The following SLC16A3 variants were observed in gnomAD, a reference collection of about 807,000 sequenced individuals.
The protein encoded by SLC16A3 is solute carrier family 16 member 3.
In SLC16A3, 22 loss-of-function variants were observed where a neutral mutation model predicts 25.0. That is an observed-to-expected ratio of 0.88 (90% CI 0.63 to 1.26). SLC16A3 has a LOEUF of 1.26. SLC16A3 is among the 50% of genes most tolerant of loss of function. SLC16A3 has a pLI of 0.00. For missense variants in SLC16A3, 731 were observed against 666.6 expected (o/e 1.10, Z -1.06); for synonymous variants, 390 against 309.2 (o/e 1.26, Z -2.74).
chr17:82,227,656 GCGGGAGCACCACCTGCCC>G (rs2050434462), upstream of SLC16A3, among the ~76,000 whole-genome samples: 6 of 25,368 alleles, frequency 2.4e-4, no homozygotes, highest in African/African-American at 4.8e-4. Context: ...CCTGCCCTGG[GCGGGAGCACCACCTGCCC>G]TGGGCGGGAG....
intron 1 of SLC16A3, among the ~76,000 whole-genome samples, chr17:82,222,986 C>T (rs982967796): frequency 4.6e-5 from 7 of 150,992 alleles, no homozygotes; most frequent in South Asian, 2.1e-4. Flanking sequence ...GGGTGGATAC[C>T]GGGGAAGGGG....
upstream of SLC16A3, among the ~76,000 whole-genome samples, chr17:82,223,801 C>T (rs965918888): frequency 2.6e-5 from 4 of 152,038 alleles, no homozygotes; most frequent in East Asian, 1.9e-4. Context: ...TTGGAATGAC[C>T]GCTCAGGATC....
intron 2 of SLC16A3, 53 bp from the exon 3 acceptor site, chr17:82,236,676 C>G (rs778888046): frequency 3.8e-6 from 6 of 1,576,062 alleles, no homozygotes; most frequent in Admixed American, 1.7e-5. Context: ...AGTCGGCTGG[C>G]GGGGGTAGAG....
At chr17:82,219,489 T>C (rs1356221609) in intron 1 of SLC16A3, among the ~76,000 whole-genome samples, 2 of 152,088 alleles carry the variant, frequency 1.3e-5, no homozygotes, top group African/African-American at 4.8e-5. Flanking sequence ...TGGCCGCCCG[T>C]AGGGTCTCGC....
At position 82,239,977 on chromosome 17, in the gene SLC16A3, CAGT is replaced by C. The variant is rs2050718817; in HGVS notation, c.*1004_*1006del. 2.5e-5 allele frequency: 31 copies of C among 1,233,552 alleles called. No homozygotes were observed. The highest frequency in any genetic ancestry group is 3.0e-5 in the Non-Finnish European group (30 of 987,692). The allele number at this position is 1,233,552 out of a possible 1,614,324, so 76.4% of individuals were successfully genotyped here. A position where few individuals can be genotyped will look rare whatever the true frequency, so the allele number is the denominator to read the frequency against. On this transcript the variant is annotated 3_prime_UTR_variant, in exon 5 of 5. Transcript: ENST00000582743. Reference sequence around the variant, plus strand: ...CCCGGTCAGAGGCCGCCGGGGCCCTCAGTAGGTGCGTCGTGGGCGCTGGGGACG... The same window carrying C: ...CCCGGTCAGAGGCCGCCGGGGCCCTCAGGTGCGTCGTGGGCGCTGGGGACG...
In SLC16A3 at chr17:82,237,324, G is replaced by A; in HGVS notation, c.554G>A (p.Gly185Asp). 1 of 1,543,590 alleles carries A rather than the reference G, an allele frequency of 6.5e-7. No homozygotes were observed. ...GWRGGFLILG[G>D]LLLNCCVCAA... ...CGGGGCGGCTTCCTCATCCTGGGCG[G>A]CCTGCTGCTCAACTGCTGCGTGTGT... is the stretch of plus-strand genomic sequence containing the variant. Residue 185 changes from glycine to aspartate, a missense_variant, in exon 4 of 5, where the codon GGC becomes GAC. Physicochemically the swap from Gly to Asp is moderately conservative, Grantham distance 94. Coordinates refer to ENST00000582743, the MANE Select transcript of SLC16A3 (RefSeq NM_004207.4).
intron 1 of SLC16A3, among the ~76,000 whole-genome samples, chr17:82,232,624 G>A (rs562997457): frequency 3.3e-5 from 5 of 152,350 alleles, no homozygotes; most frequent in South Asian, 2.1e-4. Context: ...CTTCATGGTC[G>A]AATCCTGGTC....
In SLC16A3 at chr17:82,237,604, GCCGGCCGCGGGC is replaced by G; in HGVS notation, c.835_846del (p.Pro279_Gly282del). 1 of 1,612,412 alleles carries G rather than the reference GCCGGCCGCGGGC, an allele frequency of 6.2e-7. No homozygotes were observed. The highest frequency in any genetic ancestry group is 8.5e-7 in the Non-Finnish European group (1 of 1,179,730). ...TGGGCTTCATTGACATCTTCGCGCG[GCCGGCCGCGGGC>G]TTCGTGGCGGGGCTTGGGAAGGTGC... On this transcript the variant is annotated inframe_deletion, in exon 4 of 5. Coordinates refer to ENST00000582743, the MANE Select transcript of SLC16A3 (RefSeq NM_004207.4).
At position 82,239,965 on chromosome 17, in the gene SLC16A3, C is replaced by T. The variant is rs902626812; in HGVS notation, c.*989C>T. ...CGTGGCTGGGAGCCCGGTCAGAGGC[C>T]GCCGGGGCCCTCAGTAGGTGCGTCG... On this transcript the variant is annotated 3_prime_UTR_variant, in exon 5 of 5. Coordinates refer to ENST00000582743, the MANE Select transcript of SLC16A3 (RefSeq NM_004207.4). The T allele has an allele frequency of 3.6e-5, 44 of 1,231,614 alleles. No individual in the cohort carries two copies. The highest frequency in any genetic ancestry group is 2.1e-4 in the Middle Eastern group (1 of 4,836). 76.3% of individuals were successfully genotyped at this position (1,231,614 alleles called of 1,614,324 possible). A position where few individuals can be genotyped will look rare whatever the true frequency, so the allele number is the denominator to read the frequency against.
At chr17:82,235,936 T>C (rs992487036) in intron 1 of SLC16A3, 47 bp from the exon 2 acceptor site, 25 of 1,331,974 alleles carry the variant, frequency 1.9e-5, no homozygotes, top group Admixed American at 4.0e-5. Context: ...AGGCTGCAGC[T>C]GGGATGGTCA....
chr17:82,220,641 G>A (rs949846068), intron 1 of SLC16A3, among the ~76,000 whole-genome samples: 2 of 151,996 alleles, frequency 1.3e-5, no homozygotes, highest in African/African-American at 4.8e-5. Context: ...AATAAAAAAA[G>A]AAAGTAAAGA....
Position 82,237,201 on chromosome 17 carries a change from G to A in SLC16A3, c.431G>A (p.Arg144Gln), listed in dbSNP as rs533084413. The change falls in exon 4 of 5, where the codon CGG (arginine) becomes CAG (glutamine). Residue 144 changes from arginine (R) to glutamine (Q), a missense_variant. Coordinates refer to ENST00000582743, the MANE Select transcript of SLC16A3 (RefSeq NM_004207.4). ...LIMLNRYFSK[R>Q]RPMANGLAAA... ...ATGCTGAACCGCTACTTCAGCAAGC[G>A]GCGCCCCATGGCCAACGGGCTGGCG... 2.2e-5 allele frequency: 33 copies of A among 1,532,460 alleles called. No individual in the cohort carries two copies. The highest frequency in any genetic ancestry group is 1.4e-4 in the South Asian group (11 of 80,398). The allele number at this position is 1,532,460 out of a possible 1,614,324, so 94.9% of individuals were successfully genotyped here. A position where few individuals can be genotyped will look rare whatever the true frequency, so the allele number is the denominator to read the frequency against.
chr17:82,217,948 C>T (rs1242959105), exon 1 of SLC16A3, among the ~76,000 whole-genome samples: 2 of 152,242 alleles, frequency 1.3e-5, no homozygotes, highest in Admixed American at 6.5e-5. Context: ...CCCAGGCCCC[C>T]GGCCCCATAG....
intron 2 of SLC16A3, 140 bp from the exon 3 acceptor site, chr17:82,236,589 G>GC: frequency 7.9e-7 from 1 of 1,272,320 alleles, no homozygotes; most frequent in East Asian, 2.4e-5. Context: ...CGGGGAGCCT[G>GC]CCCACGGGGT....
At chr17:82,235,826 C>A in intron 1 of SLC16A3, 157 bp from the exon 2 acceptor site, 3 of 610,798 alleles carry the variant, frequency 4.9e-6, no homozygotes, top group Non-Finnish European at 8.7e-6. Flanking sequence ...AACCCTCCTG[C>A]CTCCACCAGA....
chr17:82,229,335 AGTCTC>A (rs2050457137), intron 1 of SLC16A3: 1 of 151,636 alleles, frequency 6.6e-6, no homozygotes. Flanking sequence ...CTGGCTGCCC[AGTCTC>A]GTCTCCCCCG....
In SLC16A3 at chr17:82,239,051, G is replaced by A. The variant is rs2050696841; in HGVS notation, c.*75G>A. ...ACGCTTGCTATTTATTTTACAAACT[G>A]GACTGGCTCAGGCAGGGCCACGGCT... On this transcript the variant is annotated 3_prime_UTR_variant, in exon 5 of 5. Transcript: ENST00000582743. 4 of 1,426,796 alleles carry A rather than the reference G, an allele frequency of 2.8e-6. No homozygotes were observed. The South Asian group carries it at 6.0e-5, about 21-fold the overall frequency. The allele number at this position is 1,426,796 out of a possible 1,614,324, so 88.4% of individuals were successfully genotyped here.
upstream of SLC16A3, among the ~76,000 whole-genome samples, chr17:82,227,061 C>A (rs2050427021): frequency 6.6e-6 from 1 of 152,126 alleles, no homozygotes; most frequent in African/African-American, 2.4e-5. Context: ...AGGGAGGCTC[C>A]ACCCCAGCTC....
rs1361537753 is a variant in SLC16A3, at chr17:82,233,980, A to G, written c.-26-2003A>G. 7 of 152,232 alleles carry G rather than the reference A, an allele frequency of 4.6e-5. No homozygotes were observed. The East Asian group carries it at 1.4e-3, about 29-fold the overall frequency. 9.4% of individuals were successfully genotyped at this position (152,232 alleles called of 1,614,324 possible). ...CTCAGCCTCCCGAGTAGCTGGGACT[A>G]CAGGCGCCTGCCACTGCGCCCAGCT... On this transcript the variant is annotated intron_variant, in intron 1 of 4. Coordinates refer to ENST00000582743, the MANE Select transcript of SLC16A3 (RefSeq NM_004207.4).
Sources: gnomAD v4.1 joint callset for allele counts (sites outside exome capture counted in the v4.1 genomes callset) on GRCh38, gnomAD v4.1.1 for gene constraint, MANE v1.5 for transcripts, NCBI Gene and HGNC (gene_info 2026-07-23, HGNC 2026-07-21) for gene names.